PTPRO: variants seen among roughly 807,000 people sequenced by gnomAD.
The protein encoded by PTPRO is receptor-type tyrosine-protein phosphatase O.
In PTPRO, 62 loss-of-function variants were observed where a neutral mutation model predicts 145.2. The observed-to-expected ratio is 0.43, with a 90% CI of 0.35 to 0.53. The LOEUF (loss-of-function observed/expected upper bound fraction) is 0.53, where lower values mean the gene tolerates loss of function less well. Among genes scored for constraint, PTPRO ranks in the 20% least tolerant of loss-of-function variants. PTPRO has a pLI of 0.01. For missense variants in PTPRO, 1,345 were observed against 1,482.7 expected (o/e 0.91, Z 1.53); for synonymous variants, 565 against 514.7 (o/e 1.10, Z -1.32).
intron 1 of PTPRO, among the ~76,000 whole-genome samples, chr12:15,451,093 C>T (rs1209303846): frequency 1.3e-5 from 2 of 151,924 alleles, no homozygotes; most frequent in Non-Finnish European, 2.9e-5. Context: ...AAGAGACTCA[C>T]CTAACACATA....
chr12:15,484,850 G>A (rs1215871785), intron 2 of PTPRO, among the ~76,000 whole-genome samples: 2 of 151,968 alleles, frequency 1.3e-5, no homozygotes, highest in Non-Finnish European at 2.9e-5. Context: ...GAAATTTTTA[G>A]GAATACTTTT....
intron 19 of PTPRO, among the ~76,000 whole-genome samples, chr12:15,572,634 A>AT (rs59879086): frequency 0.19 from 28,874 of 151,956 alleles, 2,882 homozygotes; most frequent in Middle Eastern, 0.27. Flanking sequence ...ATGAAATACC[A>AT]TTTTTTTCTC....
chr12:15,399,344 A>G (rs1261649338), intron 1 of PTPRO, among the ~76,000 whole-genome samples: 1 of 152,242 alleles, frequency 6.6e-6, no homozygotes, highest in Non-Finnish European at 1.5e-5. Flanking sequence ...GCTCTGTCAC[A>G]CATAAAGAAA....
intron 1 of PTPRO, among the ~76,000 whole-genome samples, chr12:15,469,038 G>A (rs1053952974): frequency 2.0e-5 from 3 of 152,220 alleles, no homozygotes; most frequent in South Asian, 2.1e-4. Flanking sequence ...TATGCTGTGA[G>A]CTTCGTAAGT....
chr12:15,408,042 C>A lies in PTPRO; in HGVS notation c.76-75932C>A, dbSNP rs565081918. On this transcript the variant is annotated intron_variant, in intron 1 of 26. Transcript: ENST00000281171. ...CTTAAGTATTCTCTTCTGTTATCAT[C>A]CAATTCAGTCTCTAGGATTGAGATA... Among the ~76,000 whole-genome samples the A allele has an allele frequency of 3.9e-5, 6 of 152,206 alleles. 1 individual carries two copies. Among genetic ancestry groups the A allele is most frequent in the Non-Finnish European group, 7.4e-5 (5 of 68,000 alleles).
At chr12:15,477,014 G>C (rs370740797) in intron 1 of PTPRO, among the ~76,000 whole-genome samples, 1 of 47,848 alleles carries the variant, frequency 2.1e-5, no homozygotes, top group Non-Finnish European at 4.7e-5. Context: ...TATACCCAAA[G>C]GACTATAAAT....
At chr12:15,359,832 C>G (rs773098110) in intron 1 of PTPRO, among the ~76,000 whole-genome samples, 1 of 152,126 alleles carries the variant, frequency 6.6e-6, no homozygotes, top group Non-Finnish European at 1.5e-5. Flanking sequence ...CTCTCTAGGA[C>G]TTTCTTCTCA....
chr12:15,329,482 G>A (rs1866545708), intron 1 of PTPRO, among the ~76,000 whole-genome samples: 1 of 152,100 alleles, frequency 6.6e-6, no homozygotes. Context: ...ACCACTCCTT[G>A]TCTTTTAGTT....
At chr12:15,511,552 TTTTG>T (rs780078127) in intron 7 of PTPRO, among the ~76,000 whole-genome samples, 19 of 152,288 alleles carry the variant, frequency 1.2e-4, no homozygotes, top group African/African-American at 2.2e-4. Flanking sequence ...AATGGCATAT[TTTTG>T]TTTGTTTGTT....
At chr12:15,425,823 CT>C (rs1269095929) in intron 1 of PTPRO, among the ~76,000 whole-genome samples, 1 of 151,856 alleles carries the variant, frequency 6.6e-6, no homozygotes, top group Non-Finnish European at 1.5e-5. Context: ...ATTACTGTTA[CT>C]TTTTAGCATT....
At chr12:15,563,712 T>C (rs1312097484) in intron 17 of PTPRO, among the ~76,000 whole-genome samples, 1 of 152,092 alleles carries the variant, frequency 6.6e-6, no homozygotes, top group Non-Finnish European at 1.5e-5. Flanking sequence ...AGCTGCCGAG[T>C]AGTAGCAGCT....
intron 1 of PTPRO, among the ~76,000 whole-genome samples, chr12:15,439,176 G>A (rs760201580): frequency 2.0e-5 from 3 of 152,040 alleles, no homozygotes; most frequent in Non-Finnish European, 2.9e-5. Context: ...CTCAACAAAG[G>A]TTTATAAGTG....
intron 1 of PTPRO, among the ~76,000 whole-genome samples, chr12:15,455,475 C>T (rs1330415515): frequency 6.6e-6 from 1 of 152,120 alleles, no homozygotes; most frequent in Non-Finnish European, 1.5e-5. Context: ...TCTTCCGGTC[C>T]ATGGTCCATG....
chr12:15,486,741 G>T (rs1251740688), intron 2 of PTPRO, among the ~76,000 whole-genome samples: 1 of 151,618 alleles, frequency 6.6e-6, no homozygotes, highest in Non-Finnish European at 1.5e-5. Context: ...AGTTGCACTA[G>T]CCTAATTTTA....
intron 5 of PTPRO, 29 bp downstream of exon 5, chr12:15,502,092 A>G: frequency 6.4e-7 from 1 of 1,562,226 alleles, no homozygotes; most frequent in Non-Finnish European, 8.8e-7. Flanking sequence ...AGAGGAAATA[A>G]GAACTGATAC....
chr12:15,383,187 T>G (rs950668541), intron 1 of PTPRO, among the ~76,000 whole-genome samples: 1 of 152,202 alleles, frequency 6.6e-6, no homozygotes, highest in Non-Finnish European at 1.5e-5. Flanking sequence ...TTGACTTCTT[T>G]TTGATTCCAC....
chr12:15,330,835 C>T (rs953480420), intron 1 of PTPRO, among the ~76,000 whole-genome samples: 11 of 152,140 alleles, frequency 7.2e-5, no homozygotes, highest in Admixed American at 6.5e-4. Flanking sequence ...AAACCTTGAT[C>T]GCTTTGGCTA....
At chr12:15,378,907 T>C (rs548393191) in intron 1 of PTPRO, among the ~76,000 whole-genome samples, 2 of 152,184 alleles carry the variant, frequency 1.3e-5, no homozygotes, top group South Asian at 2.1e-4. Flanking sequence ...ATATAAATTA[T>C]TAATAAGCAA....
chr12:15,526,325 C>G, intron 12 of PTPRO, 63 bp downstream of exon 12: 1 of 1,591,776 alleles, frequency 6.3e-7, no homozygotes, highest in South Asian at 1.1e-5. Context: ...TTCGATTCAG[C>G]AAGAGCTCCT....
Sources: allele counts gnomAD v4.1 joint callset (sites outside exome capture counted in the v4.1 genomes callset), GRCh38; gene constraint gnomAD v4.1.1; transcripts MANE v1.5; gene names NCBI Gene and HGNC (gene_info 2026-07-23, HGNC 2026-07-21).